Variants in GXYLT1 observed in about 807,000 individuals in gnomAD.
GXYLT1 encodes the protein glycosyltransferase 8 domain containing 3.
Under a neutral mutation model 54.0 loss-of-function variants are expected in GXYLT1, and 29 were observed. That is an observed-to-expected ratio of 0.54 (90% CI 0.40 to 0.73). The LOEUF is 0.73. GXYLT1 is among the 30% of genes least tolerant of loss of function. The pLI is 0.00. For missense variants in GXYLT1, 490 were observed against 553.4 expected, an observed-to-expected ratio of 0.89 and a Z score of 1.15; for synonymous variants, 176 against 204.1, an observed-to-expected ratio of 0.86 and a Z score of 1.17.
At chr12:42,123,906 C>T (rs988037318) in intron 2 of GXYLT1, among the ~76,000 whole-genome samples, 2 of 150,370 alleles carry the variant, frequency 1.3e-5, no homozygotes, top group Non-Finnish European at 3.0e-5. Flanking sequence ...TTTTCTCTTA[C>T]TATTAAAAGA....
chr12:42,099,963 A>G (rs1259415292), intron 5 of GXYLT1, among the ~76,000 whole-genome samples: 7 of 152,220 alleles, frequency 4.6e-5, no homozygotes. Flanking sequence ...TGAGATAAAA[A>G]TATAATACTA....
At chr12:42,102,716 G>C (rs1478157979) in intron 5 of GXYLT1, among the ~76,000 whole-genome samples, 1 of 151,944 alleles carries the variant, frequency 6.6e-6, no homozygotes, top group Non-Finnish European at 1.5e-5. Flanking sequence ...AAAAGGCTAA[G>C]AAATACAGTA....
At chr12:42,104,454 A>C (rs2065408048) in intron 5 of GXYLT1, among the ~76,000 whole-genome samples, 1 of 152,204 alleles carries the variant, frequency 6.6e-6, no homozygotes, top group Admixed American at 6.5e-5. Flanking sequence ...TCTGTTAAAC[A>C]AGAGCAGAGG....
chr12:42,092,629 G>A (rs1451403648), intron 7 of GXYLT1, among the ~76,000 whole-genome samples: 2 of 152,114 alleles, frequency 1.3e-5, no homozygotes, highest in African/African-American at 4.8e-5. Context: ...GAGAGGGGCA[G>A]TATAATTTTT....
intron 4 of GXYLT1, 80 bp from the exon 5 acceptor site, chr12:42,106,149 T>C (rs1259988012): frequency 2.1e-6 from 2 of 934,456 alleles, no homozygotes; most frequent in South Asian, 1.6e-5. Flanking sequence ...TTGTGTAAGA[T>C]ACACCTAAGA....
At chr12:42,123,746 A>T (rs1369169672) in intron 2 of GXYLT1, among the ~76,000 whole-genome samples, 25 of 152,238 alleles carry the variant, frequency 1.6e-4, no homozygotes, top group Admixed American at 1.6e-3. Flanking sequence ...ATTGAAGTAT[A>T]TAAAGTCAAA....
intron 2 of GXYLT1, among the ~76,000 whole-genome samples, chr12:42,122,950 T>C (rs2065539583): frequency 6.6e-6 from 1 of 151,988 alleles, no homozygotes; most frequent in Admixed American, 6.6e-5. Flanking sequence ...GAACACAATA[T>C]CCCATGCAGT....
chr12:42,111,960 A>G (rs1592112021), intron 3 of GXYLT1, among the ~76,000 whole-genome samples: 1 of 152,230 alleles, frequency 6.6e-6, no homozygotes. Context: ...ACCATCAGGC[A>G]GCAGCATTTG....
intron 1 of GXYLT1, among the ~76,000 whole-genome samples, chr12:42,138,593 G>A (rs1374100155): frequency 6.6e-6 from 1 of 152,078 alleles, no homozygotes; most frequent in Non-Finnish European, 1.5e-5. Flanking sequence ...AGGTAAACAC[G>A]ATAAAGTAAA....
Position 42,113,624 on chromosome 12 carries a change from T to G in GXYLT1, c.487-3933A>C, listed in dbSNP as rs557126851. 7.4e-4 allele frequency among the ~76,000 whole-genome samples: 112 copies of G among 151,004 alleles called. 3 individuals carry two copies. Among genetic ancestry groups the G allele is most frequent in the African/African-American group, 2.5e-3 (100 of 40,372 alleles). ...GCACCCAATACAGGAGCACCCAGATTCATAAAGCAAGTCCTTAGTGACCTA... is the reference window on the plus strand; with the variant it reads ...GCACCCAATACAGGAGCACCCAGATGCATAAAGCAAGTCCTTAGTGACCTA... On this transcript the variant is annotated intron_variant, in intron 3 of 7. Coordinates refer to ENST00000398675, the MANE Select transcript of GXYLT1 (RefSeq NM_173601.2).
chr12:42,093,615 T>C (rs1034861698), intron 7 of GXYLT1, among the ~76,000 whole-genome samples: 3 of 152,118 alleles, frequency 2.0e-5, no homozygotes, highest in Non-Finnish European at 2.9e-5. Context: ...AATTCAGAAA[T>C]TACAAATGGA....
At chr12:42,107,435 A>C (rs992507937) in intron 4 of GXYLT1, among the ~76,000 whole-genome samples, 4 of 152,214 alleles carry the variant, frequency 2.6e-5, no homozygotes, top group African/African-American at 9.6e-5. Flanking sequence ...TCACGCCTGT[A>C]ATCCTAGCAC....
At chr12:42,127,686 A>T (rs2065571562) in intron 2 of GXYLT1, among the ~76,000 whole-genome samples, 1 of 152,230 alleles carries the variant, frequency 6.6e-6, no homozygotes, top group Admixed American at 6.5e-5. Context: ...TATAAATCAG[A>T]GTATGCTGAA....
chr12:42,091,633 TC>T lies in GXYLT1; in HGVS notation c.1162-3687del, dbSNP rs200509263. Reference sequence around the variant, plus strand: ...GAACATCAACACTAAATTTTATAATTCATCAGTGAGTATAGTCATACCATGA... The same window carrying T: ...GAACATCAACACTAAATTTTATAATTATCAGTGAGTATAGTCATACCATGA... On this transcript the variant is annotated intron_variant, in intron 7 of 7. Coordinates refer to ENST00000398675, the MANE Select transcript of GXYLT1 (RefSeq NM_173601.2). 2.8e-3 allele frequency among the ~76,000 whole-genome samples: 431 copies of T among 152,302 alleles called. 2 individuals are homozygous for T. Among genetic ancestry groups the T allele is most frequent in the African/African-American group, 9.2e-3 (384 of 41,554 alleles).
intron 3 of GXYLT1, among the ~76,000 whole-genome samples, chr12:42,111,577 G>A (rs2136896384): frequency 6.6e-6 from 1 of 152,348 alleles, no homozygotes. Flanking sequence ...CAGCCAGGCT[G>A]GAGGCGGGGC....
intron 5 of GXYLT1, among the ~76,000 whole-genome samples, chr12:42,100,904 T>C (rs921219471): frequency 1.3e-5 from 2 of 151,874 alleles, no homozygotes; most frequent in Admixed American, 1.3e-4. Context: ...GAAATACAGA[T>C]ACATATTTAA....
At chr12:42,095,155 T>C (rs1626596) in intron 7 of GXYLT1, among the ~76,000 whole-genome samples, 3,704 of 152,318 alleles carry the variant, frequency 0.024, 155 homozygotes, top group African/African-American at 0.084. Context: ...CTATACTCTG[T>C]TGACGAGGAT....
chr12:42,141,858 G>C (rs2065653953), intron 1 of GXYLT1, among the ~76,000 whole-genome samples: 1 of 152,120 alleles, frequency 6.6e-6, no homozygotes, highest in African/African-American at 2.4e-5. Context: ...GCTTCAAACA[G>C]AATACACTAA....
chr12:42,132,329 A>C (rs2065597778), intron 1 of GXYLT1, among the ~76,000 whole-genome samples: 1 of 152,222 alleles, frequency 6.6e-6, no homozygotes, highest in African/African-American at 2.4e-5. Flanking sequence ...TCAAGGAATA[A>C]CTAGAGTCAG....
Sources: gnomAD v4.1 joint callset for allele counts (sites outside exome capture counted in the v4.1 genomes callset) on GRCh38, gnomAD v4.1.1 for gene constraint, MANE v1.5 for transcripts, NCBI Gene and HGNC (gene_info 2026-07-23, HGNC 2026-07-21) for gene names.